SYTL5: variants seen among roughly 807,000 people sequenced by gnomAD.
SYTL5 encodes synaptotagmin-like protein 5.
A neutral mutation model predicts 55.9 loss-of-function variants in SYTL5; 34 were observed. That is an observed-to-expected ratio of 0.61 (90% CI 0.46 to 0.81). The LOEUF (loss-of-function observed/expected upper bound fraction) is 0.81. Ranked by LOEUF, SYTL5 falls within the 30% of genes least tolerant of loss-of-function variation. SYTL5 has a pLI of 0.00. For synonymous variants in SYTL5, 221 were observed against 188.7 expected (o/e 1.17, Z -1.40); for missense variants, 637 against 546.7 (o/e 1.17, Z -1.65).
chrX:38,056,615 C>T (rs1278502764), intron 3 of SYTL5, among the ~76,000 whole-genome samples: 1 of 111,867 alleles, frequency 8.9e-6, no homozygotes, highest in Non-Finnish European at 1.9e-5. Context: ...CACATTCTCA[C>T]CAGCATTTGT....
intron 1 of SYTL5, among the ~76,000 whole-genome samples, chrX:38,016,295 A>C (rs1184414029): frequency 8.9e-6 from 1 of 112,149 alleles, no homozygotes; most frequent in Non-Finnish European, 1.9e-5. Context: ...GTTCCTTAAT[A>C]GAAAAAGTTT....
At chrX:37,976,957 C>A in the SYTL5 span, among the ~76,000 whole-genome samples, 2 of 111,263 alleles carry the variant, frequency 1.8e-5, no homozygotes, top group Non-Finnish European at 3.8e-5. Context: ...TAGCAAGACT[C>A]CACCTCAAAA....
At chrX:37,980,676 T>C in the SYTL5 span, among the ~76,000 whole-genome samples, 2 of 111,730 alleles carry the variant, frequency 1.8e-5, no homozygotes, top group Non-Finnish European at 3.8e-5. Flanking sequence ...TCCCTCCAGT[T>C]TCCATTCCAA....
Position 38,126,825 on chromosome X carries a change from C to T in SYTL5, c.*95C>T. 1 of 911,822 alleles carries T rather than the reference C, an allele frequency of 1.1e-6. No homozygotes were observed. Among genetic ancestry groups the T allele is most frequent in the Non-Finnish European group, 1.5e-6 (1 of 663,804 alleles). 75.1% of individuals were successfully genotyped at this position (911,822 alleles called of 1,213,427 possible). ...GAGACCTGGGATTCTGCTTCCCTGC[C>T]ATTTCTCACCTGACAGTGTTGGGAC... On this transcript the variant is annotated 3_prime_UTR_variant, in exon 17 of 17. Transcript: ENST00000297875.
chrX:37,924,581 A>G, the SYTL5 span, among the ~76,000 whole-genome samples: 1 of 111,699 alleles, frequency 9.0e-6, no homozygotes, highest in Admixed American at 9.6e-5. Flanking sequence ...TTTATGAAAT[A>G]CTTGTAAGTT....
At chrX:37,924,502 G>A in the SYTL5 span, among the ~76,000 whole-genome samples, 17 of 111,251 alleles carry the variant, frequency 1.5e-4, no homozygotes, top group Non-Finnish European at 1.9e-4. Context: ...ACCTTAATGC[G>A]TGAATACTTA....
At chrX:38,024,623 G>A (rs1282797167) in intron 1 of SYTL5, among the ~76,000 whole-genome samples, 1 of 111,355 alleles carries the variant, frequency 9.0e-6, no homozygotes, top group African/African-American at 3.3e-5. Context: ...TTACTTACCA[G>A]TTGACCTTGG....
intron 2 of SYTL5, among the ~76,000 whole-genome samples, chrX:38,049,179 T>C (rs1047094617): frequency 2.7e-5 from 3 of 111,999 alleles, no homozygotes; most frequent in Non-Finnish European, 3.8e-5. Flanking sequence ...GCTCTCTTAA[T>C]GGAATATGAA....
chrX:38,113,816 C>A (rs767920208), intron 13 of SYTL5, among the ~76,000 whole-genome samples: 8 of 111,453 alleles, frequency 7.2e-5, no homozygotes, highest in African/African-American at 2.6e-4. Flanking sequence ...GGTTTGCAGG[C>A]CAGAAAAGCC....
At chrX:38,125,730 AT>A (rs1332158190) in intron 16 of SYTL5, among the ~76,000 whole-genome samples, 1 of 112,298 alleles carries the variant, frequency 8.9e-6, no homozygotes, top group Non-Finnish European at 1.9e-5. Flanking sequence ...AAGATATCAT[AT>A]TTATATTCAA....
intron 1 of SYTL5, among the ~76,000 whole-genome samples, chrX:38,008,353 C>T (rs1017480181): frequency 9.0e-6 from 1 of 111,608 alleles, no homozygotes. Context: ...TCTCCAACCT[C>T]GTTCCATTCC....
At chrX:37,988,774 A>C in the SYTL5 span, among the ~76,000 whole-genome samples, 2 of 112,252 alleles carry the variant, frequency 1.8e-5, no homozygotes, top group East Asian at 5.5e-4. Flanking sequence ...GTAACATAAT[A>C]TCAGAAAAGG....
the SYTL5 span, chrX:37,946,528 C>A: frequency 4.9e-6 from 1 of 202,417 alleles, no homozygotes; most frequent in Non-Finnish European, 9.4e-6. Flanking sequence ...GTAATTAATT[C>A]TTCTTTGGAC....
At chrX:37,895,874 T>C in the SYTL5 span, among the ~76,000 whole-genome samples, 5 of 111,966 alleles carry the variant, frequency 4.5e-5, no homozygotes, top group East Asian at 1.4e-3. Flanking sequence ...TGGATTTGCA[T>C]TGAATTGAAG....
At chrX:38,110,504 G>C (rs1038047842) in intron 13 of SYTL5, 22 bp downstream of exon 13, 1 of 1,150,739 alleles carries the variant, frequency 8.7e-7, no homozygotes. Context: ...TCTCAGATTA[G>C]TCAGTTATGC....
At chrX:37,954,520 A>G in the SYTL5 span, among the ~76,000 whole-genome samples, 10 of 111,908 alleles carry the variant, frequency 8.9e-5, no homozygotes, top group African/African-American at 3.2e-4. Context: ...AGCAAGAACA[A>G]GAAGGGAACT....
rs1458901014 is a variant in SYTL5, at chrX:38,071,052, G to GAGC, written c.330-993_330-992insCAG. On this transcript the variant is annotated intron_variant, in intron 3 of 16. Transcript: ENST00000297875. ...AGGGTAATGTGTTAAAATTATGAGA[G>GAGC]AGTAGTCATTCATTTGAAAAACATT... is the stretch of plus-strand genomic sequence containing the variant. Among the ~76,000 whole-genome samples the GAGC allele has an allele frequency of 3.0e-4, 28 of 93,049 alleles. No homozygotes were observed. In the East Asian group the frequency reaches 5.3e-3, roughly 18 times the overall value. 80.8% of individuals were successfully genotyped at this position (93,049 alleles called of 115,157 possible).
the SYTL5 span, among the ~76,000 whole-genome samples, chrX:37,935,039 G>T: frequency 1.8e-5 from 2 of 112,135 alleles, no homozygotes; most frequent in African/African-American, 6.5e-5. Context: ...AACTCAAAGA[G>T]ATCTACATTT....
At chrX:37,996,107 G>T in the SYTL5 span, among the ~76,000 whole-genome samples, 1 of 112,035 alleles carries the variant, frequency 8.9e-6, no homozygotes. Flanking sequence ...AGCCCCTGTT[G>T]CAAGCTCTCT....
Sources: gnomAD v4.1 joint callset for allele counts (sites outside exome capture counted in the v4.1 genomes callset) on GRCh38, gnomAD v4.1.1 for gene constraint, MANE v1.5 for transcripts, NCBI Gene and HGNC (gene_info 2026-07-23, HGNC 2026-07-21) for gene names.